NELFB: variants seen among roughly 807,000 people sequenced by gnomAD.
NELFB encodes negative elongation factor complex member B, also known as negative elongation factor B.
Under a neutral mutation model 60.2 loss-of-function variants are expected in NELFB, and 34 were observed. That is an observed-to-expected ratio of 0.56 (90% CI 0.43 to 0.75). The LOEUF (loss-of-function observed/expected upper bound fraction) is 0.75, where lower values mean the gene tolerates loss of function less well. NELFB is among the 30% of genes least tolerant of loss of function. NELFB has a pLI of 0.00. For synonymous variants in NELFB, 459 were observed against 382.1 expected (o/e 1.20, Z -2.35); for missense variants, 770 against 831.6 (o/e 0.93, Z 0.91).
chr9:137,255,776 G>T lies in NELFB; in HGVS notation c.247-131G>T, dbSNP rs921277685. 7 of 1,504,680 alleles carry T rather than the reference G, an allele frequency of 4.7e-6. No individual in the cohort carries two copies. The African/African-American group carries it at 9.7e-5, about 21-fold the overall frequency. The allele number at this position is 1,504,680 out of a possible 1,614,324, so 93.2% of individuals were successfully genotyped here. On this transcript the variant is annotated intron_variant, in intron 1 of 12. Transcript: ENST00000343053. Reference sequence around the variant, plus strand: ...CAGCACCCCTTTGCTGGACGGCTGGGTGGCTTTCGGTGGCTGCGGTTACCG... The same window carrying T: ...CAGCACCCCTTTGCTGGACGGCTGGTTGGCTTTCGGTGGCTGCGGTTACCG...
At chr9:137,261,381 A>G (rs1400019708) in intron 4 of NELFB, among the ~76,000 whole-genome samples, 1 of 141,558 alleles carries the variant, frequency 7.1e-6, no homozygotes, top group Non-Finnish European at 1.5e-5. Context: ...AAACTGGGTC[A>G]GGTGTGTGGC....
intron 4 of NELFB, among the ~76,000 whole-genome samples, chr9:137,261,355 AAG>A (rs1830441184): frequency 6.8e-6 from 1 of 147,082 alleles, no homozygotes; most frequent in African/African-American, 2.5e-5. Flanking sequence ...AAAAAAAAAA[AAG>A]TAAAAAAAAA....
rs1837534220 is a variant in NELFB at position 137,255,446 on chromosome 9, G to T, written c.81G>T (p.Ala27=). Residue 27 remains alanine, a synonymous_variant, in exon 1 of 13, where the codon GCG becomes GCT. Coordinates refer to ENST00000343053, the MANE Select transcript of NELFB (RefSeq NM_015456.5). ...CGGAGCGGGCTTCTGGGGTGTCTGCGGCGGCGCCGGGGGAACGGGCTGGGG... is the reference window on the plus strand; with the variant it reads ...CGGAGCGGGCTTCTGGGGTGTCTGCTGCGGCGCCGGGGGAACGGGCTGGGG... 1 of 1,412,708 alleles carries T rather than the reference G, an allele frequency of 7.1e-7. No individual in the cohort carries two copies. The highest frequency in any genetic ancestry group is 2.7e-5 in the Admixed American group (1 of 37,340). 87.5% of individuals were successfully genotyped at this position (1,412,708 alleles called of 1,614,324 possible). A position where few individuals can be genotyped will look rare whatever the true frequency, so the allele number is the denominator to read the frequency against.
At position 137,272,150 on chromosome 9, in the gene NELFB, T is replaced by C. The variant is rs1444052002; in HGVS notation, c.1559T>C (p.Leu520Pro). 1 of 1,614,114 alleles carries C rather than the reference T, an allele frequency of 6.2e-7. No individual in the cohort carries two copies. The highest frequency in any genetic ancestry group is 2.2e-5 in the East Asian group (1 of 44,898). ...CTGCTCACGGGCAACCTTGCGCTGC[T>C]GGCCGACGAATTTGCCCTTGAGGAC... Residue 520 changes from leucine (L) to proline (P), a missense_variant, in exon 11 of 13, where the codon CTG becomes CCG. Leu to Pro is a moderately conservative substitution (Grantham distance 98, BLOSUM62 -3). Transcript: ENST00000343053.
Position 137,273,334 on chromosome 9 carries a change from G to A in NELFB, c.*406G>A. ...GTTGTGGAGATGGACCCGTGACCTC[G>A]TGGAGGCCGTGTGGGGGCAGCAGCC... On this transcript the variant is annotated 3_prime_UTR_variant, in exon 13 of 13. Transcript: ENST00000343053. 1 of 170,014 alleles carries A rather than the reference G, an allele frequency of 5.9e-6. No homozygotes were observed. Among genetic ancestry groups the A allele is most frequent in the Admixed American group, 5.9e-5 (1 of 17,058 alleles). 10.5% of individuals were successfully genotyped at this position (170,014 alleles called of 1,614,324 possible).
intron 4 of NELFB, among the ~76,000 whole-genome samples, chr9:137,261,995 G>GA (rs397948281): frequency 5.5e-5 from 8 of 144,876 alleles, no homozygotes; most frequent in South Asian, 4.4e-4. Flanking sequence ...GAGAGAGAGA[G>GA]GAGAGAGAGA....
At chr9:137,255,837 C>T in intron 1 of NELFB, 70 bp from the exon 2 acceptor site, 2 of 1,582,798 alleles carry the variant, frequency 1.3e-6, no homozygotes, top group Non-Finnish European at 1.7e-6. Context: ...GCGTGCCTCC[C>T]TGTGCTCTCA....
intron 11 of NELFB, 128 bp from the exon 12 acceptor site, chr9:137,272,379 A>G (rs1426049213): frequency 6.9e-7 from 1 of 1,449,630 alleles, no homozygotes; most frequent in Non-Finnish European, 9.3e-7. Flanking sequence ...GTGCCTGGGC[A>G]CAGCTGGGGA....
At chr9:137,271,155 G>C (rs1830579209) in intron 10 of NELFB, among the ~76,000 whole-genome samples, 2 of 152,274 alleles carry the variant, frequency 1.3e-5, no homozygotes, top group African/African-American at 2.4e-5. Context: ...GTGGGGCCTT[G>C]CTGCTGGATC....
At chr9:137,270,106 C>T (rs1315228844) in intron 10 of NELFB, among the ~76,000 whole-genome samples, 3 of 152,120 alleles carry the variant, frequency 2.0e-5, no homozygotes, top group South Asian at 2.1e-4. Flanking sequence ...TCCCTCAGCA[C>T]GATGTCTGGG....
chr9:137,262,345 G>C (rs141991062), intron 4 of NELFB, among the ~76,000 whole-genome samples: 2,014 of 152,228 alleles, frequency 0.013, 44 homozygotes, highest in African/African-American at 0.046. Context: ...GGCAACGGGC[G>C]TCTTCCCAGA....
Position 137,255,573 on chromosome 9 carries a change from A to G in NELFB, c.208A>G (p.Asn70Asp). 1 of 1,549,684 alleles carries G rather than the reference A, an allele frequency of 6.5e-7. No individual in the cohort carries two copies. The highest frequency in any genetic ancestry group is 1.2e-5 in the South Asian group (1 of 84,086). ...CGAGGACCTGAAGGAGACCCTGACC[A>G]ACTGCACGGAGCCGCTCAAGGCCAT... Residue 70 changes from asparagine to aspartate, a missense_variant, in exon 1 of 13, where the codon AAC (asparagine) becomes GAC (aspartate). Coordinates refer to ENST00000343053, the MANE Select transcript of NELFB (RefSeq NM_015456.5).
chr9:137,268,691 G>T (rs1830548447), intron 10 of NELFB, among the ~76,000 whole-genome samples: 1 of 152,202 alleles, frequency 6.6e-6, no homozygotes, highest in African/African-American at 2.4e-5. Context: ...GTCATCCCAT[G>T]GTGGAAGGCA....
intron 1 of NELFB, 81 bp from the exon 2 acceptor site, chr9:137,255,826 T>A: frequency 1.3e-6 from 2 of 1,566,938 alleles, no homozygotes; most frequent in Non-Finnish European, 1.7e-6. Context: ...AACACCTGGG[T>A]GCGTGCCTCC....
chr9:137,266,245 C>G (rs974884127), intron 7 of NELFB, 86 bp from the exon 8 acceptor site: 4 of 1,192,846 alleles, frequency 3.4e-6, no homozygotes, highest in African/African-American at 1.5e-5. Context: ...CACCAGAGAT[C>G]CTGCTGAGTA....
Position 137,256,828 on chromosome 9 carries a change from C to T in NELFB, c.515C>T (p.Pro172Leu), listed in dbSNP as rs764295695. ...GCAGCCTGTGGTGTCATGTAGGTTC[C>T]GGAGAAAAAACTGAAGCTGGTTATG... Residue 172 changes from proline (P) to leucine (L), a missense_variant, in exon 4 of 13, where the codon CCG becomes CTG. Pro to Leu is a moderately conservative substitution (Grantham distance 98, BLOSUM62 -3). Transcript: ENST00000343053. The T allele has an allele frequency of 1.9e-6, 3 of 1,613,930 alleles. No individual in the cohort carries two copies. Among genetic ancestry groups the T allele is most frequent in the South Asian group, 2.2e-5 (2 of 91,072 alleles).
At position 137,272,628 on chromosome 9, in the gene NELFB, G is replaced by C; in HGVS notation, c.1740+13G>C. On this transcript the variant is annotated intron_variant, in intron 12 of 12. Coordinates refer to ENST00000343053, the MANE Select transcript of NELFB (RefSeq NM_015456.5). ...GCCTACAGGCCAGGTGGGTGCCCGG[G>C]GGGGCTGCATCTGAAGGCACCTGGT... The C allele has an allele frequency of 1.3e-6, 2 of 1,575,666 alleles. No individual in the cohort carries two copies. The highest frequency in any genetic ancestry group is 8.6e-7 in the Non-Finnish European group (1 of 1,160,892).
In NELFB at chr9:137,255,431, T is replaced by C; in HGVS notation, c.66T>C (p.Ala22=). The C allele has an allele frequency of 7.6e-7, 1 of 1,308,254 alleles. No individual in the cohort carries two copies. Among genetic ancestry groups the C allele is most frequent in the Non-Finnish European group, 1.0e-6 (1 of 986,142 alleles). The allele number at this position is 1,308,254 out of a possible 1,614,324, so 81.0% of individuals were successfully genotyped here. The change falls in exon 1 of 13, where the codon GCT becomes GCC. Residue 22 remains alanine (A), a synonymous_variant. Transcript: ENST00000343053. ...GTCCCCGAGGCCCGGCGGAGCGGGC[T>C]TCTGGGGTGTCTGCGGCGGCGCCGG...
chr9:137,265,115 T>C (rs1184211028), intron 6 of NELFB, among the ~76,000 whole-genome samples: 1 of 141,340 alleles, frequency 7.1e-6, no homozygotes, highest in Non-Finnish European at 1.5e-5. Context: ...CTCAACCTCC[T>C]GGGCATTGAT....
Sources: allele counts gnomAD v4.1 joint callset (sites outside exome capture counted in the v4.1 genomes callset), GRCh38; gene constraint gnomAD v4.1.1; transcripts MANE v1.5; gene names NCBI Gene and HGNC (gene_info 2026-07-23, HGNC 2026-07-21).